The following SEMA3A variants were observed in gnomAD, a reference collection of about 807,000 sequenced individuals.
The protein encoded by SEMA3A is semaphorin-3A.
Under a neutral mutation model 97.9 loss-of-function variants are expected in SEMA3A, and 29 were observed. The ratio of observed to expected loss-of-function variants is 0.30; its 90% CI spans 0.22 to 0.40. The LOEUF (loss-of-function observed/expected upper bound fraction) is 0.40. SEMA3A is among the 10% of genes least tolerant of loss of function. SEMA3A has a pLI of 1.00. For missense variants in SEMA3A, 763 were observed against 951.3 expected, an observed-to-expected ratio of 0.80 and a Z score of 2.60; for synonymous variants, 321 against 323.7, an observed-to-expected ratio of 0.99 and a Z score of 0.09.
chr7:84,087,546 T>A (rs1480393513), intron 4 of SEMA3A, among the ~76,000 whole-genome samples: 1 of 152,164 alleles, frequency 6.6e-6, no homozygotes, highest in South Asian at 2.1e-4. Context: ...GTAATTTTAA[T>A]GAATATTCCT....
intron 1 of SEMA3A, among the ~76,000 whole-genome samples, chr7:84,152,504 G>T (rs1215066663): frequency 7.5e-6 from 1 of 132,922 alleles, no homozygotes; most frequent in Non-Finnish European, 1.6e-5. Context: ...AGATCACATG[G>T]ACACAGGAAG....
intron 4 of SEMA3A, among the ~76,000 whole-genome samples, chr7:84,069,083 G>A (rs879362474): frequency 2.6e-5 from 4 of 152,082 alleles, no homozygotes; most frequent in Non-Finnish European, 4.4e-5. Flanking sequence ...CCAGTCTAGT[G>A]AGATGAGGAT....
chr7:84,147,745 A>C (rs73177472), intron 1 of SEMA3A, among the ~76,000 whole-genome samples: 4,010 of 152,346 alleles, frequency 0.026, 83 homozygotes, highest in Non-Finnish European at 0.042. Flanking sequence ...TAGATAGCTC[A>C]TAATTTATCA....
At chr7:84,471,254 C>CA (rs56103813) in intron 1 of SEMA3A, among the ~76,000 whole-genome samples, 12,185 of 152,016 alleles carry the variant, frequency 0.08, 999 homozygotes, top group African/African-American at 0.18. Context: ...TTGGTTCCCA[C>CA]ACCCCCAACA....
chr7:84,031,422 T>C (rs80263827), intron 6 of SEMA3A, among the ~76,000 whole-genome samples: 29,198 of 152,184 alleles, frequency 0.19, 3,043 homozygotes, highest in East Asian at 0.41. Context: ...AAAAATTCTA[T>C]ACATGAGTCA....
intron 3 of SEMA3A, among the ~76,000 whole-genome samples, chr7:84,224,088 A>G (rs1434831480): frequency 6.6e-6 from 1 of 151,984 alleles, no homozygotes; most frequent in African/African-American, 2.4e-5. Flanking sequence ...AAAATGAATT[A>G]TAATTTTCTC....
At chr7:84,290,728 T>G (rs1430562617) in intron 3 of SEMA3A, among the ~76,000 whole-genome samples, 1 of 152,138 alleles carries the variant, frequency 6.6e-6, no homozygotes, top group East Asian at 1.9e-4. Flanking sequence ...TACTGTTGTT[T>G]CATGTACTAA....
intron 2 of SEMA3A, among the ~76,000 whole-genome samples, chr7:84,318,213 C>T (rs1801558343): frequency 6.6e-6 from 1 of 151,260 alleles, no homozygotes; most frequent in Non-Finnish European, 1.5e-5. Flanking sequence ...TAATCACCAA[C>T]TGTTAATAGT....
intron 1 of SEMA3A, among the ~76,000 whole-genome samples, chr7:84,426,674 CT>C (rs1804837299): frequency 6.6e-6 from 1 of 152,012 alleles, no homozygotes; most frequent in Non-Finnish European, 1.5e-5. Flanking sequence ...GAGGTTTAAT[CT>C]TTTTTCCTTT....
chr7:84,416,293 T>A (rs1804432480), intron 1 of SEMA3A, among the ~76,000 whole-genome samples: 1 of 152,080 alleles, frequency 6.6e-6, no homozygotes, highest in African/African-American at 2.4e-5. Flanking sequence ...TTTTGCTTCT[T>A]CCTCATTTTC....
chr7:84,471,387 A>G (rs1007727499), intron 1 of SEMA3A, among the ~76,000 whole-genome samples: 3 of 152,122 alleles, frequency 2.0e-5, no homozygotes, highest in African/African-American at 4.8e-5. Flanking sequence ...CTTTAAAAGG[A>G]CGTAAGGACA....
At chr7:84,220,236 A>AT (rs1798845222) in intron 3 of SEMA3A, among the ~76,000 whole-genome samples, 1 of 152,176 alleles carries the variant, frequency 6.6e-6, no homozygotes, top group Non-Finnish European at 1.5e-5. Flanking sequence ...TAAAAGTTTC[A>AT]TTATGAGATT....
At chr7:84,308,826 T>TTTC (rs947715548) in intron 2 of SEMA3A, among the ~76,000 whole-genome samples, 1 of 150,806 alleles carries the variant, frequency 6.6e-6, no homozygotes, top group African/African-American at 2.4e-5. Flanking sequence ...TTTTTTTTCT[T>TTTC]TTTTTTTTGA....
intron 1 of SEMA3A, among the ~76,000 whole-genome samples, chr7:84,407,910 C>G (rs1804147673): frequency 6.6e-6 from 1 of 152,172 alleles, no homozygotes; most frequent in East Asian, 1.9e-4. Flanking sequence ...GGATTAAAGA[C>G]TTACATGTTA....
intron 3 of SEMA3A, among the ~76,000 whole-genome samples, chr7:84,256,552 TG>T (rs1799724150): frequency 6.6e-6 from 1 of 152,198 alleles, no homozygotes; most frequent in East Asian, 1.9e-4. Context: ...ATAAAAATGA[TG>T]TGATATACTG....
intron 2 of SEMA3A, among the ~76,000 whole-genome samples, chr7:84,348,387 C>T (rs958803909): frequency 2.6e-5 from 4 of 152,062 alleles, no homozygotes; most frequent in Non-Finnish European, 5.9e-5. Flanking sequence ...GCTAACATTT[C>T]TGTTTACCTT....
At chr7:84,025,639 A>AC (rs11426316) in intron 6 of SEMA3A, among the ~76,000 whole-genome samples, 104,543 of 152,000 alleles carry the variant, frequency 0.69, 36,175 homozygotes, top group Middle Eastern at 0.77. Flanking sequence ...GGATAGTTTA[A>AC]CCCAAGAAAA....
rs1024744950 is a variant in SEMA3A at position 83,981,430 on chromosome 7, G to A, written c.1543C>T (p.His515Tyr). The change falls in exon 14 of 17, where the codon CAC (histidine) becomes TAC (tyrosine). Residue 515 changes from histidine (H) to tyrosine (Y), a missense_variant. His to Tyr is a moderately conservative substitution (Grantham distance 83). Transcript: ENST00000265362. The stretch of plus-strand genomic sequence containing the variant: ...GCTTTCCCGTAAATATCACACCGGT[G>A]TAAAGGGAGCTGGGCAACCCCAGCC... ...STAGVAQLPL[H>Y]RCDIYGKACA... is the part of the protein sequence containing the mutation. The A allele has an allele frequency of 1.2e-5, 20 of 1,613,556 alleles. No homozygotes were observed. The highest frequency in any genetic ancestry group is 1.5e-5 in the Non-Finnish European group (18 of 1,179,800).
At chr7:84,361,523 G>C (rs749228040) in intron 2 of SEMA3A, among the ~76,000 whole-genome samples, 2 of 151,956 alleles carry the variant, frequency 1.3e-5, no homozygotes, top group Non-Finnish European at 2.9e-5. Flanking sequence ...TCGAACATGG[G>C]AGTTAGATTT....
Sources: gnomAD v4.1 joint callset for allele counts (sites outside exome capture counted in the v4.1 genomes callset) on GRCh38, gnomAD v4.1.1 for gene constraint, MANE v1.5 for transcripts, NCBI Gene and HGNC (gene_info 2026-07-23, HGNC 2026-07-21) for gene names.